ASIC2: variants seen among roughly 807,000 people sequenced by gnomAD.
The protein encoded by ASIC2 is acid-sensing ion channel 2.
Under a neutral mutation model 57.3 loss-of-function variants are expected in ASIC2, and 25 were observed. The ratio of observed to expected loss-of-function variants is 0.44; its 90% CI spans 0.32 to 0.61. The LOEUF is 0.61. Ranked by LOEUF, ASIC2 falls within the 20% of genes least tolerant of loss-of-function variation. ASIC2 has a pLI of 0.06. For missense variants in ASIC2, 641 were observed against 738.1 expected (o/e 0.87, Z 1.52); for synonymous variants, 319 against 307.5 (o/e 1.04, Z -0.39).
At chr17:33,389,100 C>G (rs546107269) in intron 1 of ASIC2, among the ~76,000 whole-genome samples, 1 of 152,312 alleles carries the variant, frequency 6.6e-6, no homozygotes, top group African/African-American at 2.4e-5. Context: ...GCTGGGATTA[C>G]AGGCACAAGC....
chr17:33,719,505 T>C (rs1909322233), intron 1 of ASIC2, among the ~76,000 whole-genome samples: 1 of 152,206 alleles, frequency 6.6e-6, no homozygotes, highest in Non-Finnish European at 1.5e-5. Context: ...CAGGAACTTG[T>C]CTTAATATAC....
intron 1 of ASIC2, among the ~76,000 whole-genome samples, chr17:33,853,562 A>G (rs1220638691): frequency 3.3e-5 from 5 of 152,242 alleles, no homozygotes; most frequent in African/African-American, 1.2e-4. Flanking sequence ...AGTGTCATCA[A>G]GATCCTGTAA....
At chr17:33,774,018 A>G (rs752559249) in intron 1 of ASIC2, among the ~76,000 whole-genome samples, 1 of 152,038 alleles carries the variant, frequency 6.6e-6, no homozygotes, top group African/African-American at 2.4e-5. Context: ...CATTATCTTC[A>G]TATCACAGTT....
intron 1 of ASIC2, among the ~76,000 whole-genome samples, chr17:34,116,467 C>A (rs1026041825): frequency 6.6e-6 from 1 of 152,162 alleles, no homozygotes; most frequent in Non-Finnish European, 1.5e-5. Flanking sequence ...CAGTGATTCA[C>A]CCCTCAGTGT....
chr17:33,037,929 G>C (rs959950936), intron 3 of ASIC2, among the ~76,000 whole-genome samples: 1 of 152,228 alleles, frequency 6.6e-6, no homozygotes, highest in Non-Finnish European at 1.5e-5. Context: ...GATGGGAAGA[G>C]AGAGAGATTC....
chr17:33,543,049 C>A (rs1485197501), intron 1 of ASIC2, among the ~76,000 whole-genome samples: 1 of 148,074 alleles, frequency 6.8e-6, no homozygotes, highest in Non-Finnish European at 1.5e-5. Flanking sequence ...AAAAACCAAA[C>A]ACCGCATATT....
At chr17:33,861,903 G>A (rs1336798450) in intron 1 of ASIC2, among the ~76,000 whole-genome samples, 1 of 152,116 alleles carries the variant, frequency 6.6e-6, no homozygotes, top group African/African-American at 2.4e-5. Context: ...GGGAGCAGGT[G>A]GGAGACCGTG....
At chr17:33,799,398 CTTT>C (rs1912029226) in intron 1 of ASIC2, among the ~76,000 whole-genome samples, 1 of 49,764 alleles carries the variant, frequency 2.0e-5, no homozygotes, top group Non-Finnish European at 5.4e-5. Context: ...TTCTTTCTTT[CTTT>C]CTTTTCTTTC....
intron 1 of ASIC2, among the ~76,000 whole-genome samples, chr17:34,075,076 C>T (rs936388855): frequency 5.3e-5 from 8 of 152,116 alleles, no homozygotes; most frequent in South Asian, 2.1e-4. Flanking sequence ...TGAGCCACCG[C>T]GCCCGGCCAG....
intron 1 of ASIC2, among the ~76,000 whole-genome samples, chr17:34,089,308 A>G (rs1910238229): frequency 6.6e-6 from 1 of 152,250 alleles, no homozygotes; most frequent in South Asian, 2.1e-4. Flanking sequence ...AGGGTACACT[A>G]TGACACATAT....
At chr17:33,116,623 G>T (rs1475883103) in intron 1 of ASIC2, among the ~76,000 whole-genome samples, 1 of 152,128 alleles carries the variant, frequency 6.6e-6, no homozygotes, top group Non-Finnish European at 1.5e-5. Flanking sequence ...TTCAAACCTG[G>T]ATCTCCAGGA....
At chr17:33,471,961 C>T (rs1305082728) in intron 1 of ASIC2, among the ~76,000 whole-genome samples, 1 of 151,740 alleles carries the variant, frequency 6.6e-6, no homozygotes, top group Non-Finnish European at 1.5e-5. Context: ...GATTAAGCAA[C>T]TCACTCAAGG....
chr17:33,555,186 C>G (rs1241120817), intron 1 of ASIC2, among the ~76,000 whole-genome samples: 1 of 152,162 alleles, frequency 6.6e-6, no homozygotes, highest in Admixed American at 6.6e-5. Flanking sequence ...ACCTAACCTA[C>G]TATTCCCTGA....
chr17:33,871,729 T>G (rs891535131), intron 1 of ASIC2, among the ~76,000 whole-genome samples: 1 of 152,072 alleles, frequency 6.6e-6, no homozygotes, highest in Non-Finnish European at 1.5e-5. Flanking sequence ...GGAGGAGGGA[T>G]GACAGCTACC....
chr17:33,984,637 G>A (rs1905751043), intron 1 of ASIC2, among the ~76,000 whole-genome samples: 2 of 152,150 alleles, frequency 1.3e-5, no homozygotes, highest in Non-Finnish European at 2.9e-5. Context: ...GAGGTTCTAA[G>A]GACAGAACAG....
At chr17:33,469,526 C>A (rs1912973315) in intron 1 of ASIC2, among the ~76,000 whole-genome samples, 1 of 152,164 alleles carries the variant, frequency 6.6e-6, no homozygotes, top group Non-Finnish European at 1.5e-5. Context: ...GGAACTCCAG[C>A]AGACACCGTG....
chr17:34,012,252 C>G (rs1906796460), intron 1 of ASIC2, among the ~76,000 whole-genome samples: 1 of 152,110 alleles, frequency 6.6e-6, no homozygotes, highest in Non-Finnish European at 1.5e-5. Context: ...TATCTCGATG[C>G]CTCCAATTGT....
At chr17:33,230,626 G>A (rs1908053585) in intron 1 of ASIC2, among the ~76,000 whole-genome samples, 1 of 152,148 alleles carries the variant, frequency 6.6e-6, no homozygotes, top group Non-Finnish European at 1.5e-5. Context: ...CTGTAAAATG[G>A]GGATAATCAT....
intron 1 of ASIC2, chr17:34,038,443 C>T: frequency 1.2e-6 from 2 of 1,612,298 alleles, no homozygotes; most frequent in Non-Finnish European, 1.7e-6. Context: ...TCTCATCTCT[C>T]CAGTTTTTAT....
Sources: gnomAD v4.1 joint callset for allele counts (sites outside exome capture counted in the v4.1 genomes callset) on GRCh38, gnomAD v4.1.1 for gene constraint, MANE v1.5 for transcripts, NCBI Gene and HGNC (gene_info 2026-07-23, HGNC 2026-07-21) for gene names.